The following COL5A2 variants were observed in gnomAD, a reference collection of about 807,000 sequenced individuals.
COL5A2 encodes the protein collagen type V alpha 2 chain.
A neutral mutation model predicts 208.2 loss-of-function variants in COL5A2; 23 were observed. The ratio of observed to expected loss-of-function variants is 0.11; its 90% CI spans 0.08 to 0.16. COL5A2 has a LOEUF of 0.16. COL5A2 is among the 10% of genes least tolerant of loss of function. The pLI, the probability that COL5A2 is intolerant of heterozygous loss-of-function variation, is 1.00. For missense variants in COL5A2, 1,590 were observed against 1,956.4 expected (o/e 0.81, Z 3.53); for synonymous variants, 625 against 628.5 (o/e 0.99, Z 0.08).
At chr2:189,292,187 C>T in the COL5A2 span, among the ~76,000 whole-genome samples, 748 of 152,146 alleles carry the variant, frequency 4.9e-3, 9 homozygotes, top group African/African-American at 0.017. Flanking sequence ...GTAGATGAAG[C>T]CACATATATT....
intron 2 of COL5A2, among the ~76,000 whole-genome samples, chr2:189,108,232 A>G (rs1237858053): frequency 1.3e-5 from 2 of 151,808 alleles, no homozygotes; most frequent in Non-Finnish European, 3.0e-5. Flanking sequence ...AAATGCTCAC[A>G]TAAGTTCTTT....
the COL5A2 span, among the ~76,000 whole-genome samples, chr2:189,299,246 T>C: frequency 1.3e-5 from 2 of 152,150 alleles, no homozygotes; most frequent in African/African-American, 4.8e-5. Context: ...AATATGCATA[T>C]TCAGATATAC....
intron 52 of COL5A2, among the ~76,000 whole-genome samples, chr2:189,035,704 T>C (rs1464026477): frequency 6.6e-6 from 1 of 152,160 alleles, no homozygotes; most frequent in Non-Finnish European, 1.5e-5. Context: ...CAACTATTTA[T>C]ATTTAAAATT....
intron 1 of COL5A2, among the ~76,000 whole-genome samples, chr2:189,114,630 T>TA (rs1377944934): frequency 0.023 from 2,799 of 122,148 alleles, 34 homozygotes; most frequent in African/African-American, 0.025. Flanking sequence ...GGCCCAGGAC[T>TA]TAAAAAAAAA....
At chr2:189,088,981 A>G (rs943336471) in intron 7 of COL5A2, among the ~76,000 whole-genome samples, 7 of 152,208 alleles carry the variant, frequency 4.6e-5, no homozygotes, top group Non-Finnish European at 1.0e-4. Context: ...AGAGTATTGT[A>G]TAAGTATGTT....
At chr2:189,292,761 C>A in the COL5A2 span, among the ~76,000 whole-genome samples, 1 of 152,062 alleles carries the variant, frequency 6.6e-6, no homozygotes, top group Non-Finnish European at 1.5e-5. Flanking sequence ...TGGGTATATA[C>A]CCAAAGGAAT....
the COL5A2 span, among the ~76,000 whole-genome samples, chr2:189,326,999 A>G: frequency 5.9e-5 from 9 of 151,396 alleles, no homozygotes; most frequent in African/African-American, 1.9e-4. Flanking sequence ...TGAACTCAGG[A>G]GGCAAAGGTT....
intron 1 of COL5A2, among the ~76,000 whole-genome samples, chr2:189,193,348 T>G (rs1688954421): frequency 6.6e-6 from 1 of 152,192 alleles, no homozygotes; most frequent in Non-Finnish European, 1.5e-5. Context: ...GGAAGACATC[T>G]AATATCCTGC....
At chr2:189,288,157 A>G in the COL5A2 span, among the ~76,000 whole-genome samples, 1 of 152,160 alleles carries the variant, frequency 6.6e-6, no homozygotes, top group Non-Finnish European at 1.5e-5. Context: ...CAGAAAAAAA[A>G]GACGTTTGGG....
the COL5A2 span, among the ~76,000 whole-genome samples, chr2:189,267,438 C>A: frequency 6.6e-6 from 1 of 151,988 alleles, no homozygotes; most frequent in African/African-American, 2.4e-5. Context: ...ATTCATCTTG[C>A]AAAAACACAT....
the COL5A2 span, among the ~76,000 whole-genome samples, chr2:189,341,800 TAATC>T: frequency 2.6e-5 from 4 of 152,182 alleles, no homozygotes; most frequent in South Asian, 2.1e-4. Context: ...AATTACTACT[TAATC>T]AAAGTGAGTA....
chr2:189,034,191 G>A lies in COL5A2; in HGVS notation c.4379C>T (p.Thr1460Ile), dbSNP rs1266828570. The change falls in exon 54 of 54, where the codon ACT (threonine) becomes ATT (isoleucine). Residue 1460 changes from threonine to isoleucine, a missense_variant. Physicochemically the swap from Thr to Ile is moderately conservative, Grantham distance 89. Transcript: ENST00000374866. The stretch of plus-strand genomic sequence containing the variant: ...ATTCTGTGTTCTATATTCAAAGACA[G>A]TCTTGCCCACATTTCCATTCCGCTT... ...CSKRNGNVGK[T>I]VFEYRTQNVA... 2.5e-6 allele frequency: 4 copies of A among 1,613,946 alleles called. No individual in the cohort carries two copies. The highest frequency in any genetic ancestry group is 3.4e-6 in the Non-Finnish European group (4 of 1,179,920).
chr2:189,251,434 T>C, the COL5A2 span, among the ~76,000 whole-genome samples: 246 of 152,286 alleles, frequency 1.6e-3, 1 homozygote, highest in African/African-American at 5.5e-3. Flanking sequence ...AGACAGAATC[T>C]TTCTGCCATC....
At chr2:189,142,999 A>T (rs1687964867) in intron 1 of COL5A2, among the ~76,000 whole-genome samples, 2 of 152,152 alleles carry the variant, frequency 1.3e-5, no homozygotes, top group Non-Finnish European at 2.9e-5. Flanking sequence ...ATCAGCCATG[A>T]TTGTTCGATC....
At chr2:189,361,069 T>TGAG in the COL5A2 span, among the ~76,000 whole-genome samples, 1 of 152,062 alleles carries the variant, frequency 6.6e-6, no homozygotes, top group Non-Finnish European at 1.5e-5. Context: ...GAAATATGTG[T>TGAG]ACTCAGCAGC....
chr2:189,387,822 T>C, the COL5A2 span, among the ~76,000 whole-genome samples: 1 of 152,180 alleles, frequency 6.6e-6, no homozygotes, highest in Middle Eastern at 3.2e-3. Context: ...CTAGTAATCT[T>C]ATAGAAAGAT....
Position 189,050,553 on chromosome 2 carries a change from C to G in COL5A2, c.3039+16G>C. 6.5e-7 allele frequency: 1 copy of G among 1,533,654 alleles called. No individual in the cohort carries two copies. ...TGCACATATGAGATAAAATATTGAC[C>G]GATGCAGCTACTCACCGCTGGGCCT... On this transcript the variant is annotated intron_variant, in intron 43 of 53. Coordinates refer to ENST00000374866, the MANE Select transcript of COL5A2 (RefSeq NM_000393.5).
the COL5A2 span, among the ~76,000 whole-genome samples, chr2:189,369,115 C>T: frequency 6.6e-6 from 1 of 152,038 alleles, no homozygotes; most frequent in Non-Finnish European, 1.5e-5. Context: ...TAAAATAAAA[C>T]ATGAAATATA....
the COL5A2 span, among the ~76,000 whole-genome samples, chr2:189,367,350 T>C: frequency 3.3e-5 from 5 of 152,202 alleles, no homozygotes; most frequent in Non-Finnish European, 7.3e-5. Flanking sequence ...AAGTGCTTCT[T>C]AGCATGTAAA....
Sources: allele counts gnomAD v4.1 joint callset (sites outside exome capture counted in the v4.1 genomes callset), GRCh38; gene constraint gnomAD v4.1.1; transcripts MANE v1.5; gene names NCBI Gene and HGNC (gene_info 2026-07-23, HGNC 2026-07-21).